Variants in ATP13A3 observed in about 807,000 individuals in gnomAD.
ATP13A3 encodes polyamine-transporting ATPase 13A3.
Under a neutral mutation model 158.1 loss-of-function variants are expected in ATP13A3, and 59 were observed. That is an observed-to-expected ratio of 0.37 (90% CI 0.30 to 0.46). ATP13A3 has a LOEUF of 0.46. ATP13A3 is among the 20% of genes least tolerant of loss of function. ATP13A3 has a pLI of 1.00. For missense variants in ATP13A3, 1,166 were observed against 1,525.2 expected, an observed-to-expected ratio of 0.76 and a Z score of 3.92; for synonymous variants, 491 against 504.3, an observed-to-expected ratio of 0.97 and a Z score of 0.35.
Position 194,421,153 on chromosome 3 carries a change from A to AG in ATP13A3, c.3314-1187_3314-1186insC, listed in dbSNP as rs376115821. Among the ~76,000 whole-genome samples, 5 of 4,106 alleles carry AG rather than the reference A, an allele frequency of 1.2e-3. 1 individual carries two copies. Among genetic ancestry groups the AG allele is most frequent in the Non-Finnish European group, 1.7e-3 (3 of 1,798 alleles). The allele number at this position is 4,106 out of a possible 152,430, so 2.7% of individuals were successfully genotyped here. Reference sequence around the variant, plus strand: ...ATATATATAGTATATATATATATATATATATATATATATATAGTTTTAGTA... The same window carrying AG: ...ATATATATAGTATATATATATATATAGTATATATATATATATAGTTTTAGTA... On this transcript the variant is annotated intron_variant, in intron 30 of 33. Transcript: ENST00000645319.
chr3:194,447,427 C>T (rs1474443882), intron 13 of ATP13A3, among the ~76,000 whole-genome samples: 1 of 152,166 alleles, frequency 6.6e-6, no homozygotes, highest in African/African-American at 2.4e-5. Context: ...ATTGACTCAG[C>T]GTGCACACAC....
At chr3:194,442,419 G>A (rs995213407) in intron 15 of ATP13A3, among the ~76,000 whole-genome samples, 3 of 152,028 alleles carry the variant, frequency 2.0e-5, no homozygotes, top group African/African-American at 4.8e-5. Flanking sequence ...GAAATATAGC[G>A]AGACACCCAT....
chr3:194,409,540 G>C (rs558849052), intron 33 of ATP13A3, among the ~76,000 whole-genome samples: 77 of 152,188 alleles, frequency 5.1e-4, no homozygotes, highest in African/African-American at 1.8e-3. Flanking sequence ...CTTCTAAAGA[G>C]AAGATACGAC....
At chr3:194,458,319 C>T (rs915400237) in intron 6 of ATP13A3, among the ~76,000 whole-genome samples, 9 of 149,872 alleles carry the variant, frequency 6.0e-5, no homozygotes, top group Admixed American at 5.3e-4. Flanking sequence ...CTCCAGAAGG[C>T]AGCAGGGGCC....
Position 194,405,921 on chromosome 3 carries a change from A to G in ATP13A3, c.3769T>C (p.Ter1257GlnextTer2), listed in dbSNP as rs758771358. Residue 1257 changes from the stop codon to glutamine, a stop_lost, in exon 34 of 34, where the codon TAG becomes CAG. Transcript: ENST00000645319. ...NGSCQIITIT* is the reference protein window; with the variant it reads ...NGSCQIITITQ ...ATACCACTGAGACTGATTCACTGCT[A>G]TGTTATGGTGATGATTTGACATGAT... 1.9e-6 allele frequency: 3 copies of G among 1,613,558 alleles called. No individual in the cohort carries two copies. Among genetic ancestry groups the G allele is most frequent in the Non-Finnish European group, 2.5e-6 (3 of 1,179,596 alleles).
At chr3:194,493,289 A>G (rs537206956) in intron 2 of ATP13A3, among the ~76,000 whole-genome samples, 2 of 152,276 alleles carry the variant, frequency 1.3e-5, no homozygotes, top group South Asian at 4.1e-4. Flanking sequence ...CTGATGGATG[A>G]CTGAATGAAT....
intron 20 of ATP13A3, 137 bp downstream of exon 20, chr3:194,436,958 A>G: frequency 8.5e-7 from 1 of 1,176,454 alleles, no homozygotes; most frequent in Non-Finnish European, 1.2e-6. Context: ...CTTTTACTTC[A>G]ATCACCTAAA....
In ATP13A3 at chr3:194,425,455, T is replaced by G. The variant is rs1716693794; in HGVS notation, c.3200A>C (p.Asn1067Thr). 6.2e-7 allele frequency: 1 copy of G among 1,613,408 alleles called. No homozygotes were observed. Among genetic ancestry groups the G allele is most frequent in the African/African-American group, 1.3e-5 (1 of 74,910 alleles). ...VDNETELDEH[N>T]IQNYENTTVF... ...TGTGGTATTTTCATAATTTTGTATA[T>G]TATGTTCATCAAGTTCGGTTTCATT... Residue 1067 changes from asparagine to threonine, a missense_variant, in exon 30 of 34, where the codon AAT (asparagine) becomes ACT (threonine). Coordinates refer to ENST00000645319, the MANE Select transcript of ATP13A3 (RefSeq NM_001367549.1).
chr3:194,425,309 C>T (rs1716684386), intron 30 of ATP13A3, 33 bp downstream of exon 30: 6 of 1,571,708 alleles, frequency 3.8e-6, no homozygotes, highest in Non-Finnish European at 5.2e-6. Flanking sequence ...AAGGGGCAAG[C>T]AGGGTGGAAA....
Position 194,440,037 on chromosome 3 carries a change from C to T in ATP13A3, c.1711-1065G>A, listed in dbSNP as rs114738767. On this transcript the variant is annotated intron_variant, in intron 16 of 33. Transcript: ENST00000645319. ...GGAGCACTTATCCAGTCACCTCCTC[C>T]CTCTCTCCCTTTCAAAATGTGGGTA... Among the ~76,000 whole-genome samples, 433 of 152,224 alleles carry T rather than the reference C, an allele frequency of 2.8e-3. 1 individual carries two copies. The highest frequency in any genetic ancestry group is 4.5e-3 in the Non-Finnish European group (305 of 68,022).
At chr3:194,483,449 G>C (rs1410781961) in intron 2 of ATP13A3, among the ~76,000 whole-genome samples, 1 of 105,378 alleles carries the variant, frequency 9.5e-6, no homozygotes, top group Non-Finnish European at 1.8e-5. Flanking sequence ...AACTAGCTGG[G>C]TGTGATGGTG....
At chr3:194,412,349 C>A (rs556200278) in intron 32 of ATP13A3, 61 bp from the exon 33 acceptor site, 1 of 1,303,732 alleles carries the variant, frequency 7.7e-7, no homozygotes, top group East Asian at 2.5e-5. Flanking sequence ...TATTAATGTG[C>A]ACCTTTTTAA....
chr3:194,437,965 G>A (rs879826862), intron 17 of ATP13A3, among the ~76,000 whole-genome samples: 3 of 152,142 alleles, frequency 2.0e-5, no homozygotes, highest in Non-Finnish European at 4.4e-5. Context: ...ATCGAGACCA[G>A]ACTTATCAAC....
At chr3:194,410,315 A>AAAC (rs1715288270) in intron 33 of ATP13A3, among the ~76,000 whole-genome samples, 1 of 145,062 alleles carries the variant, frequency 6.9e-6, no homozygotes, top group Non-Finnish European at 1.5e-5. Flanking sequence ...AAAAAAAAAA[A>AAAC]AAAAAAAAAA....
upstream of ATP13A3, chr3:194,488,452 T>C (rs930960541): frequency 6.6e-6 from 1 of 152,648 alleles, no homozygotes; most frequent in African/African-American, 2.4e-5. This position sits in a 1 kb window ranked among gnomAD's most constrained non-coding sequence, Gnocchi z 4.1. Context: ...AAGTGTTTCA[T>C]GCGGACCTCA....
chr3:194,464,011 A>AT (rs1301601054), intron 2 of ATP13A3, among the ~76,000 whole-genome samples: 3 of 152,144 alleles, frequency 2.0e-5, no homozygotes, highest in Admixed American at 2.0e-4. Context: ...AAATACAAAA[A>AT]TTAGCCGGGC....
intron 20 of ATP13A3, among the ~76,000 whole-genome samples, chr3:194,436,604 A>G (rs1300152343): frequency 6.6e-6 from 1 of 152,262 alleles, no homozygotes; most frequent in Non-Finnish European, 1.5e-5. Context: ...ATAAGGAAAC[A>G]TAGGTAAACA....
At chr3:194,469,034 T>C (rs759945134) in intron 2 of ATP13A3, among the ~76,000 whole-genome samples, 1 of 151,468 alleles carries the variant, frequency 6.6e-6, no homozygotes, top group African/African-American at 2.4e-5. Flanking sequence ...CTTAGGAGGC[T>C]GAGGCAGGAG....
chr3:194,436,878 G>A (rs1248351577), intron 20 of ATP13A3, among the ~76,000 whole-genome samples: 3 of 152,202 alleles, frequency 2.0e-5, no homozygotes, highest in Admixed American at 1.3e-4. Context: ...CTCTAGCCTA[G>A]GTACGGGGTG....
Sources: gnomAD v4.1 joint callset for allele counts (sites outside exome capture counted in the v4.1 genomes callset) on GRCh38, gnomAD v4.1.1 for gene constraint, Gnocchi (gnomAD v3.1) non-coding constraint, MANE v1.5 for transcripts, NCBI Gene and HGNC (gene_info 2026-07-23, HGNC 2026-07-21) for gene names.